ELAPOR2: variants seen among roughly 807,000 people sequenced by gnomAD.
The protein encoded by ELAPOR2 is endosome-lysosome associated apoptosis and autophagy regulator family member 2.
A neutral mutation model predicts 120.7 loss-of-function variants in ELAPOR2; 89 were observed. The ratio of observed to expected loss-of-function variants is 0.74; its 90% confidence interval spans 0.62 to 0.88. ELAPOR2 has a LOEUF of 0.88. Ranked by LOEUF, ELAPOR2 falls within the 40% of genes least tolerant of loss-of-function variation. The pLI, the probability that ELAPOR2 is intolerant of heterozygous loss-of-function variation, is 0.00. For missense variants in ELAPOR2, 1,134 were observed against 1,251.6 expected (o/e 0.91, Z 1.42); for synonymous variants, 444 against 444.9 (o/e 1.00, Z 0.03).
chr7:86,943,256 A>G (rs1249259692), intron 4 of ELAPOR2, among the ~76,000 whole-genome samples: 1 of 151,786 alleles, frequency 6.6e-6, no homozygotes, highest in Non-Finnish European at 1.5e-5. Context: ...TGTAAAACCT[A>G]AGTCTAATCA....
rs117993995 is a variant in ELAPOR2, at chr7:87,008,314, G to A, written c.190-43290C>T. Reference sequence around the variant, plus strand: ...CAGAAGTATCAACATCAAGAAAGACGTAACTGAAGAACTATTCCAGACTAA... The same window carrying A: ...CAGAAGTATCAACATCAAGAAAGACATAACTGAAGAACTATTCCAGACTAA... On this transcript the variant is annotated intron_variant, in intron 1 of 21. Transcript: ENST00000450689. Among the ~76,000 whole-genome samples, 29 of 152,174 alleles carry A rather than the reference G, an allele frequency of 1.9e-4. No homozygotes were observed. The East Asian group carries it at 4.8e-3, about 25-fold the overall frequency.
rs1181158852 is a variant in ELAPOR2 at position 86,909,975 on chromosome 7, G to A, written c.2196C>T (p.Asn732=). The change falls in exon 16 of 22, where the codon AAC becomes AAT. Residue 732 remains asparagine (N), a synonymous_variant. Coordinates refer to ENST00000450689, the MANE Select transcript of ELAPOR2 (RefSeq NM_001142749.3). ...HEGKKMALCT[N]NITDFTVKEI... ...CTTTTACTGTAAAGTCTGTTATATT[G>A]TTGGTACAGAGAGCCATCTTCTTCC... The A allele has an allele frequency of 1.9e-6, 3 of 1,611,354 alleles. No homozygotes were observed. In the Admixed American group the frequency reaches 5.0e-5, roughly 27 times the overall value.
At chr7:86,886,288 T>C (rs950290010) in intron 21 of ELAPOR2, among the ~76,000 whole-genome samples, 1 of 152,164 alleles carries the variant, frequency 6.6e-6, no homozygotes, top group Non-Finnish European at 1.5e-5. Flanking sequence ...TTGAGTATTC[T>C]ACTTGTTCTT....
intron 17 of ELAPOR2, 74 bp from the exon 18 acceptor site, chr7:86,907,845 T>C: frequency 8.0e-6 from 6 of 750,240 alleles, no homozygotes; most frequent in Non-Finnish European, 1.2e-5. Context: ...TGGGAATAAT[T>C]GCTCTCAGAC....
intron 1 of ELAPOR2, among the ~76,000 whole-genome samples, chr7:86,997,020 G>A (rs1190338408): frequency 6.6e-6 from 1 of 152,100 alleles, no homozygotes; most frequent in Non-Finnish European, 1.5e-5. Context: ...CTTTTATAAG[G>A]CTTCTAAAAA....
rs1166376851 is a variant in ELAPOR2, at chr7:86,918,489, C to G, written c.1546G>C (p.Val516Leu). 3.2e-5 allele frequency: 51 copies of G among 1,613,256 alleles called. No homozygotes were observed. Among genetic ancestry groups the G allele is most frequent in the Non-Finnish European group, 4.3e-5 (51 of 1,179,572 alleles). The change falls in exon 12 of 22, where the codon GTC (valine) becomes CTC (leucine). Residue 516 changes from valine (V) to leucine (L), a missense_variant. Transcript: ENST00000450689. The part of the protein sequence containing the change: ...TGSELGRITF[V>L]FETLCSADCV... The stretch of plus-strand genomic sequence containing the variant: ...TCAGCTGAACAGAGGGTCTCAAAGA[C>G]AAATGTTATTCTTCCTAGTTCAGAA...
rs867864022 is a variant in ELAPOR2, at chr7:86,986,751, C to T, written c.190-21727G>A. Among the ~76,000 whole-genome samples the T allele has an allele frequency of 2.3e-3, 352 of 151,666 alleles. 3 individuals carry two copies. The highest frequency in any genetic ancestry group is 8.3e-3 in the African/African-American group (341 of 41,246). ...GCTCATGGATAGGAAGAATCAATATCGTGAAAATGGCCATACTGCCCAAGG... is the reference window on the plus strand; with the variant it reads ...GCTCATGGATAGGAAGAATCAATATTGTGAAAATGGCCATACTGCCCAAGG... On this transcript the variant is annotated intron_variant, in intron 1 of 21. Transcript: ENST00000450689.
chr7:86,990,438 A>G (rs1050317037), intron 1 of ELAPOR2, among the ~76,000 whole-genome samples: 1 of 152,050 alleles, frequency 6.6e-6, no homozygotes, highest in Non-Finnish European at 1.5e-5. Flanking sequence ...TGGCACACTT[A>G]ACCCCCTTAC....
At chr7:86,966,053 C>T in intron 1 of ELAPOR2, 1 of 663,766 alleles carries the variant, frequency 1.5e-6, no homozygotes. Context: ...ATCATCAAGT[C>T]TGGGTTCCCG....
rs35712048 is a variant in ELAPOR2, at chr7:86,974,580, AGTGTGTGTGTGT to A, written c.190-9568_190-9557del. 1.6e-4 allele frequency among the ~76,000 whole-genome samples: 22 copies of A among 138,826 alleles called. No individual in the cohort carries two copies. The East Asian group carries it at 2.3e-3, about 15-fold the overall frequency. The allele number at this position is 138,826 out of a possible 152,430, so 91.1% of individuals were successfully genotyped here. On this transcript the variant is annotated intron_variant, in intron 1 of 21. Transcript: ENST00000450689. ...TAAAGCAATATATCTGAACCCCTGT[AGTGTGTGTGTGT>A]GTGTGTGTGTGTGTGTGTGTGTGTG...
At chr7:86,882,636 C>T (rs1373596670) in intron 21 of ELAPOR2, among the ~76,000 whole-genome samples, 1 of 152,088 alleles carries the variant, frequency 6.6e-6, no homozygotes, top group Non-Finnish European at 1.5e-5. Context: ...AACTCTATAT[C>T]TCATTCATTG....
intron 1 of ELAPOR2, among the ~76,000 whole-genome samples, chr7:87,057,345 TCAAA>T (rs969232226): frequency 7.2e-5 from 11 of 152,330 alleles, no homozygotes; most frequent in African/African-American, 2.4e-4. Flanking sequence ...AGACCAGATA[TCAAA>T]CAGATTCAAC....
At chr7:87,035,359 C>T (rs1794554883) in intron 1 of ELAPOR2, among the ~76,000 whole-genome samples, 1 of 152,142 alleles carries the variant, frequency 6.6e-6, no homozygotes, top group Non-Finnish European at 1.5e-5. Flanking sequence ...TGTAAAACAC[C>T]TTCTAAGATG....
intron 8 of ELAPOR2, among the ~76,000 whole-genome samples, chr7:86,936,106 A>G (rs962048556): frequency 1.3e-5 from 2 of 152,054 alleles, no homozygotes; most frequent in Non-Finnish European, 2.9e-5. Flanking sequence ...AGAGAACATA[A>G]CAGGACAGAG....
chr7:86,912,946 T>G lies in ELAPOR2; in HGVS notation c.1990A>C (p.Asn664His). 6.2e-7 allele frequency: 1 copy of G among 1,613,798 alleles called. No individual in the cohort carries two copies. The highest frequency in any genetic ancestry group is 8.5e-7 in the Non-Finnish European group (1 of 1,179,758). Residue 664 changes from asparagine to histidine, a missense_variant, in exon 14 of 22, where the codon AAT (asparagine) becomes CAT (histidine). Physicochemically the swap from Asn to His is moderately conservative, Grantham distance 68. Transcript: ENST00000450689. ...TGAAATGCAGACCCACTTACCTGAT[T>G]GTTTTTACTCCCAGGCCCGCATGGA... Reference protein sequence around the residue: ...CIPCGPGSKNNQDHSVCYSDC... With the variant: ...CIPCGPGSKNHQDHSVCYSDC...
At chr7:86,903,496 G>A (rs1424945091) in intron 18 of ELAPOR2, among the ~76,000 whole-genome samples, 1 of 152,092 alleles carries the variant, frequency 6.6e-6, no homozygotes, top group Non-Finnish European at 1.5e-5. Flanking sequence ...ATCCTTCCAT[G>A]TCTCTTAAGA....
chr7:86,977,246 A>T (rs1323692330), intron 1 of ELAPOR2, among the ~76,000 whole-genome samples: 1 of 152,194 alleles, frequency 6.6e-6, no homozygotes, highest in Admixed American at 6.5e-5. Context: ...GTAACCTCCC[A>T]ATGTCATAGA....
chr7:86,926,652 T>C (rs1020546785), intron 9 of ELAPOR2, 84 bp downstream of exon 9: 5 of 1,329,528 alleles, frequency 3.8e-6, no homozygotes, highest in Admixed American at 2.5e-5. Flanking sequence ...CCACTTTCCA[T>C]AAAAACAATT....
rs1193461758 is a variant in ELAPOR2, at chr7:87,059,631, G to C, written c.-118C>G. ...TCGTCTCGCCGCTCCGTCACCCGCT[G>C]CCCGTCCGCCCGCTGACAGCTCTGC... On this transcript the variant is annotated 5_prime_UTR_variant, in exon 1 of 22. Coordinates refer to ENST00000450689, the MANE Select transcript of ELAPOR2 (RefSeq NM_001142749.3). 1 of 1,043,806 alleles carries C rather than the reference G, an allele frequency of 9.6e-7. No individual in the cohort carries two copies. The highest frequency in any genetic ancestry group is 1.7e-5 in the African/African-American group (1 of 58,724). 64.7% of individuals were successfully genotyped at this position (1,043,806 alleles called of 1,614,324 possible). A position where few individuals can be genotyped will look rare whatever the true frequency, so the allele number is the denominator to read the frequency against.
Sources: allele counts gnomAD v4.1 joint callset (sites outside exome capture counted in the v4.1 genomes callset), GRCh38; gene constraint gnomAD v4.1.1; transcripts MANE v1.5; gene names NCBI Gene and HGNC (gene_info 2026-07-23, HGNC 2026-07-21).